TNFRSF1A: variants seen among roughly 807,000 people sequenced by gnomAD.
TNFRSF1A encodes the protein tumor necrosis factor receptor superfamily member 1A.
Under a neutral mutation model 41.6 loss-of-function variants are expected in TNFRSF1A, and 9 were observed. The observed-to-expected ratio is 0.22, with a 90% CI of 0.13 to 0.38. The LOEUF is 0.38. Among genes scored for constraint, TNFRSF1A ranks in the 10% least tolerant of loss-of-function variants. The pLI is 1.00. For synonymous variants in TNFRSF1A, 254 were observed against 248.6 expected, an observed-to-expected ratio of 1.02 and a Z score of -0.21; for missense variants, 463 against 591.5, an observed-to-expected ratio of 0.78 and a Z score of 2.25.
intron 1 of TNFRSF1A, among the ~76,000 whole-genome samples, chr12:6,336,874 C>T (rs1358007837): frequency 2.6e-5 from 4 of 152,254 alleles, no homozygotes; most frequent in Admixed American, 6.5e-5. Flanking sequence ...CGCATTCCCA[C>T]AGCCTGGCTG....
At position 6,341,796 on chromosome 12, in the gene TNFRSF1A, G is replaced by T. The variant is rs200727600; in HGVS notation, c.19C>A (p.Pro7Thr). The T allele has an allele frequency of 7.4e-6, 12 of 1,613,996 alleles. No homozygotes were observed. Among genetic ancestry groups the T allele is most frequent in the Non-Finnish European group, 1.0e-5 (12 of 1,180,002 alleles). Residue 7 changes from proline to threonine, a missense_variant, in exon 1 of 10, where the codon CCT becomes ACT. Pro to Thr is a conservative substitution (Grantham distance 38). This residue lies in a region of TNFRSF1A where 37 missense variants were observed against 46.5 expected (regional missense o/e 0.80). Coordinates refer to ENST00000162749, the MANE Select transcript of TNFRSF1A (RefSeq NM_001065.4). The surrounding 1 kb of genome is among the most constrained non-coding windows in gnomAD (Gnocchi z 4.6). MGLSTV[P>T]DLLLPLVLLE... ...CTCACCAGTGGCAGCAGCAGGTCAG[G>T]CACGGTGGAGAGGCCCATGCCAGAC...
intron 1 of TNFRSF1A, among the ~76,000 whole-genome samples, chr12:6,338,741 G>T (rs527330020): frequency 1.3e-5 from 2 of 151,996 alleles, no homozygotes; most frequent in African/African-American, 4.8e-5. Flanking sequence ...CCGTCCTCCC[G>T]AGCTCAGTCT....
chr12:6,330,904 T>A lies in TNFRSF1A; in HGVS notation c.574A>T (p.Thr192Ser), dbSNP rs1463503345. 1 of 1,613,506 alleles carries A rather than the reference T, an allele frequency of 6.2e-7. No individual in the cohort carries two copies. The highest frequency in any genetic ancestry group is 8.5e-7 in the Non-Finnish European group (1 of 1,180,032). Residue 192 changes from threonine to serine, a missense_variant, in exon 6 of 10, where the codon ACG becomes TCG. By Grantham distance (58) the Thr-to-Ser change is moderately conservative. This residue lies in a region of TNFRSF1A where 149 missense variants were observed against 239.4 expected (regional missense o/e 0.62). Coordinates refer to ENST00000162749, the MANE Select transcript of TNFRSF1A (RefSeq NM_001065.4). ...TCAATCTGGGGTAGGCACAACTTCG[T>A]GCACTCCAGGCTTTTCTTACAGCTA... ...CSNCKKSLEC[T>S]KLCLPQIENV...
chr12:6,329,900 C>T lies in TNFRSF1A; in HGVS notation c.935G>A (p.Arg312Lys), dbSNP rs200900510. 3.5e-4 allele frequency: 548 copies of T among 1,576,896 alleles called. 3 individuals are homozygous for T. In the Middle Eastern group the frequency reaches 4.5e-3, roughly 13 times the overall value. ...GDCPNFAAPRREVAPPYQGAD... is the reference protein window; with the variant it reads ...GDCPNFAAPRKEVAPPYQGAD... ...CCCCTGATAGGGTGGTGCCACCTCT[C>T]TGCGGGGAGCCGCAAAGTTGGGACA... The change falls in exon 9 of 10, where the codon AGA (arginine) becomes AAA (lysine). Residue 312 changes from arginine (R) to lysine (K), a missense_variant. Arg to Lys is a conservative substitution (Grantham distance 26). Coordinates refer to ENST00000162749, the MANE Select transcript of TNFRSF1A (RefSeq NM_001065.4).
chr12:6,334,261 T>C lies in TNFRSF1A; in HGVS notation c.40-17A>G. 1.2e-6 allele frequency: 2 copies of C among 1,609,904 alleles called. No homozygotes were observed. The highest frequency in any genetic ancestry group is 1.7e-6 in the Non-Finnish European group (2 of 1,177,092). ...CAGGAGCACCTGGGGAAGAATCAGA[T>C]AGAGGAGACACCATCAAGAGAGGGA... On this transcript the variant is annotated splice_polypyrimidine_tract_variant and intron_variant, in intron 1 of 9. Transcript: ENST00000162749. This position sits in a 1 kb window ranked among gnomAD's most constrained non-coding sequence, Gnocchi z 5.1.
At chr12:6,330,127 T>C in intron 8 of TNFRSF1A, 61 bp from the exon 9 acceptor site, 1 of 1,612,352 alleles carries the variant, frequency 6.2e-7, no homozygotes, top group Non-Finnish European at 8.5e-7. Context: ...CGGCCCTCTT[T>C]ATTCTACGTG....
rs1479769146 is a variant in TNFRSF1A, at chr12:6,334,616, G to A, written c.40-372C>T. ...ACGCTCAAGCAGTCCTCCCACCTTA[G>A]CCTCCTGAATAGCTGGGACTACGGC... is the stretch of plus-strand genomic sequence containing the variant. On this transcript the variant is annotated intron_variant, in intron 1 of 9. Coordinates refer to ENST00000162749, the MANE Select transcript of TNFRSF1A (RefSeq NM_001065.4). This position sits in a 1 kb window ranked among gnomAD's most constrained non-coding sequence, Gnocchi z 5.1. Among the ~76,000 whole-genome samples the A allele has an allele frequency of 6.6e-6, 1 of 151,898 alleles. No individual in the cohort carries two copies. The highest frequency in any genetic ancestry group is 1.5e-5 in the Non-Finnish European group (1 of 68,004).
rs377178737 is a variant in TNFRSF1A, at chr12:6,330,800, G to T, written c.625+53C>A. The T allele has an allele frequency of 8.5e-5, 135 of 1,588,604 alleles. No individual in the cohort carries two copies. The African/African-American group carries it at 1.5e-3, about 18-fold the overall frequency. On this transcript the variant is annotated intron_variant, in intron 6 of 9. Transcript: ENST00000162749. Reference sequence around the variant, plus strand: ...GGGTGGGATGGATGGACGGGTGGGGGCAAGAAGAGGGAGAGGGCAGGTGAG... The same window carrying T: ...GGGTGGGATGGATGGACGGGTGGGGTCAAGAAGAGGGAGAGGGCAGGTGAG...
Position 6,334,642 on chromosome 12 carries a change from C to A in TNFRSF1A, c.40-398G>T, listed in dbSNP as rs921070780. ...CCTCCTGAATAGCTGGGACTACGGCCGTGAACCACCATGCCCAGCTAATTT... is the reference window on the plus strand; with the variant it reads ...CCTCCTGAATAGCTGGGACTACGGCAGTGAACCACCATGCCCAGCTAATTT... On this transcript the variant is annotated intron_variant, in intron 1 of 9. Coordinates refer to ENST00000162749, the MANE Select transcript of TNFRSF1A (RefSeq NM_001065.4). This position sits in a 1 kb window ranked among gnomAD's most constrained non-coding sequence, Gnocchi z 5.1. Among the ~76,000 whole-genome samples the A allele has an allele frequency of 1.3e-5, 2 of 152,068 alleles. No individual in the cohort carries two copies. Among genetic ancestry groups the A allele is most frequent in the Non-Finnish European group, 2.9e-5 (2 of 68,020 alleles).
At position 6,342,033 on chromosome 12, in the gene TNFRSF1A, A is replaced by G. The variant is rs928524594; in HGVS notation, c.-219T>C. On this transcript the variant is annotated 5_prime_UTR_variant, in exon 1 of 10. Coordinates refer to ENST00000162749, the MANE Select transcript of TNFRSF1A (RefSeq NM_001065.4). ...GCCTCAGTCCAGAGAATTCTGAGAA[A>G]ATTAAAGCAGAGAGGAGGGGAGAGA... is the stretch of plus-strand genomic sequence containing the variant. 1.1e-5 allele frequency: 7 copies of G among 620,592 alleles called. No homozygotes were observed. Among genetic ancestry groups the G allele is most frequent in the Non-Finnish European group, 2.0e-5 (7 of 341,722 alleles). 38.4% of individuals were successfully genotyped at this position (620,592 alleles called of 1,614,324 possible). A position where few individuals can be genotyped will look rare whatever the true frequency, so the allele number is the denominator to read the frequency against.
Position 6,330,593 on chromosome 12 carries a change from C to G in TNFRSF1A, c.739+5G>C, listed in dbSNP as rs1230664474. 3 of 1,605,220 alleles carry G rather than the reference C, an allele frequency of 1.9e-6. No individual in the cohort carries two copies. The highest frequency in any genetic ancestry group is 2.6e-6 in the Non-Finnish European group (3 of 1,172,094). On this transcript the variant is annotated splice_donor_5th_base_variant and intron_variant, in intron 7 of 9. Transcript: ENST00000162749. ...CTCCCTCTCCCTCCCAAAGCCCCCA[C>G]TCACCAATGGAGTAGAGCTTGGACT...
In TNFRSF1A at chr12:6,337,510, G is replaced by A. The variant is rs1274321111; in HGVS notation, c.40-3266C>T. 1.3e-5 allele frequency among the ~76,000 whole-genome samples: 2 copies of A among 152,128 alleles called. No individual in the cohort carries two copies. The highest frequency in any genetic ancestry group is 2.9e-5 in the Non-Finnish European group (2 of 68,026). ...GTCTTCCTTTCCCCCTCATTCATGT[G>A]TCTGTTCATTTAATGTCAAGGTGTT... On this transcript the variant is annotated intron_variant, in intron 1 of 9. Transcript: ENST00000162749. The surrounding 1 kb of genome is among the most constrained non-coding windows in gnomAD (Gnocchi z 4.6).
chr12:6,334,380 GT>G lies in TNFRSF1A; in HGVS notation c.40-137del. 1 of 707,814 alleles carries G rather than the reference GT, an allele frequency of 1.4e-6. No homozygotes were observed. The highest frequency in any genetic ancestry group is 2.3e-6 in the Non-Finnish European group (1 of 425,576). 43.8% of individuals were successfully genotyped at this position (707,814 alleles called of 1,614,324 possible). ...CCGCCCAGGCCACGCCACTCACTAA[GT>G]TTAGAGTTCTTCCTTGAAACTTAGA... On this transcript the variant is annotated intron_variant, in intron 1 of 9. Transcript: ENST00000162749. The surrounding 1 kb of genome is among the most constrained non-coding windows in gnomAD (Gnocchi z 5.1).
In TNFRSF1A at chr12:6,341,442, T is replaced by A. The variant is rs1415683893; in HGVS notation, c.39+334A>T. Reference sequence around the variant, plus strand: ...TCTTCCTACTCCCACTCCCTTCTTTTCCCCGCCAAATCTGCCCCACCCTGG... The same window carrying A: ...TCTTCCTACTCCCACTCCCTTCTTTACCCCGCCAAATCTGCCCCACCCTGG... On this transcript the variant is annotated intron_variant, in intron 1 of 9. Transcript: ENST00000162749. The surrounding 1 kb of genome is among the most constrained non-coding windows in gnomAD (Gnocchi z 4.6). 6.6e-6 allele frequency among the ~76,000 whole-genome samples: 1 copy of A among 152,056 alleles called. No individual in the cohort carries two copies. Among genetic ancestry groups the A allele is most frequent in the South Asian group, 2.1e-4 (1 of 4,818 alleles).
At position 6,333,015 on chromosome 12, in the gene TNFRSF1A, C is replaced by A; in HGVS notation, c.551+54G>T. 2.6e-6 allele frequency: 4 copies of A among 1,540,514 alleles called. No individual in the cohort carries two copies. Among genetic ancestry groups the A allele is most frequent in the Non-Finnish European group, 3.6e-6 (4 of 1,114,014 alleles). On this transcript the variant is annotated intron_variant, in intron 5 of 9. Coordinates refer to ENST00000162749, the MANE Select transcript of TNFRSF1A (RefSeq NM_001065.4). The surrounding 1 kb of genome is among the most constrained non-coding windows in gnomAD (Gnocchi z 6.3). The stretch of plus-strand genomic sequence containing the variant: ...CCCAGCTAATGGTTCCCACCAGTCA[C>A]CCGTCCCAACCCATGCCACCATCCA...
Position 6,341,555 on chromosome 12 carries a change from A to G in TNFRSF1A, c.39+221T>C, listed in dbSNP as rs1948195365. 2.6e-5 allele frequency among the ~76,000 whole-genome samples: 4 copies of G among 152,096 alleles called. 1 individual carries two copies. Among genetic ancestry groups the G allele is most frequent in the Admixed American group, 2.6e-4 (4 of 15,288 alleles). ...GCTTCCTTTTACTCTCTCCCTTTCA[A>G]ACTTCTCCCATTCCCCTGCCTCAGC... is the stretch of plus-strand genomic sequence containing the variant. On this transcript the variant is annotated intron_variant, in intron 1 of 9. Transcript: ENST00000162749. This position sits in a 1 kb window ranked among gnomAD's most constrained non-coding sequence, Gnocchi z 4.6.
intron 5 of TNFRSF1A, chr12:6,331,151 A>G: frequency 1.7e-6 from 1 of 589,908 alleles, no homozygotes; most frequent in Non-Finnish European, 3.1e-6. Flanking sequence ...AAAATGTGAA[A>G]AGCAGTCAGG....
In TNFRSF1A at chr12:6,333,567, A is replaced by C; in HGVS notation, c.323-51T>G. ...GAGTCCTGCATCCTCCTGTCCCTGC[A>C]TCCCCTTCCTGACATACCCCTAAGT... On this transcript the variant is annotated intron_variant, in intron 3 of 9. Coordinates refer to ENST00000162749, the MANE Select transcript of TNFRSF1A (RefSeq NM_001065.4). This position sits in a 1 kb window ranked among gnomAD's most constrained non-coding sequence, Gnocchi z 6.3. 6.2e-7 allele frequency: 1 copy of C among 1,612,816 alleles called. No individual in the cohort carries two copies. The highest frequency in any genetic ancestry group is 8.5e-7 in the Non-Finnish European group (1 of 1,179,308).
chr12:6,339,843 A>T (rs11836766), intron 1 of TNFRSF1A, among the ~76,000 whole-genome samples: 10,742 of 98,392 alleles, frequency 0.11, 377 homozygotes, highest in South Asian at 0.19. Flanking sequence ...TCTCTCTCTC[A>T]CACACACACA....
Sources: allele counts gnomAD v4.1 joint callset (sites outside exome capture counted in the v4.1 genomes callset), GRCh38; gene constraint gnomAD v4.1.1; regional missense constraint gnomAD v4.1.1; non-coding constraint Gnocchi (gnomAD v3.1); transcripts MANE v1.5; gene names NCBI Gene and HGNC (gene_info 2026-07-23, HGNC 2026-07-21).